SNTG1: variants seen among roughly 807,000 people sequenced by gnomAD.
SNTG1 encodes the protein syntrophin gamma 1.
A neutral mutation model predicts 74.7 loss-of-function variants in SNTG1; 39 were observed. The observed-to-expected ratio is 0.52, with a 90% CI of 0.40 to 0.68. The LOEUF is 0.68. Among genes scored for constraint, SNTG1 ranks in the 30% least tolerant of loss-of-function variants. The pLI, the probability that SNTG1 is intolerant of heterozygous loss-of-function variation, is 0.00. For synonymous variants in SNTG1, 254 were observed against 217.1 expected (o/e 1.17, Z -1.49); for missense variants, 685 against 609.5 (o/e 1.12, Z -1.30).
chr8:50,543,896 G>A (rs1475713811), intron 11 of SNTG1, among the ~76,000 whole-genome samples: 1 of 151,978 alleles, frequency 6.6e-6, no homozygotes, highest in Admixed American at 6.6e-5. Flanking sequence ...GTAGTGACAT[G>A]TCCCTGTGGC....
chr8:50,305,114 T>A (rs2089830392), intron 2 of SNTG1, among the ~76,000 whole-genome samples: 1 of 151,470 alleles, frequency 6.6e-6, no homozygotes, highest in African/African-American at 2.4e-5. Flanking sequence ...TTGGCCAGGC[T>A]GGTCTCAAAC....
chr8:50,723,269 T>C (rs375387488), intron 17 of SNTG1, among the ~76,000 whole-genome samples: 4 of 152,222 alleles, frequency 2.6e-5, no homozygotes, highest in African/African-American at 7.2e-5. Flanking sequence ...CATCATACAT[T>C]GCTATTAGTT....
chr8:49,915,446 T>C (rs1585481531), intron 1 of SNTG1, among the ~76,000 whole-genome samples: 1 of 152,186 alleles, frequency 6.6e-6, no homozygotes, highest in South Asian at 2.1e-4. Flanking sequence ...ACTTCCCTGA[T>C]ACTTCAGCAG....
At chr8:50,360,028 T>A (rs976430035) in intron 2 of SNTG1, among the ~76,000 whole-genome samples, 2 of 151,638 alleles carry the variant, frequency 1.3e-5, no homozygotes, top group Non-Finnish European at 2.9e-5. Flanking sequence ...TGTAGAAGAG[T>A]GAGGATAAAT....
chr8:50,168,560 C>T (rs2082702497), intron 1 of SNTG1, among the ~76,000 whole-genome samples: 1 of 151,876 alleles, frequency 6.6e-6, no homozygotes, highest in African/African-American at 2.4e-5. Context: ...CATGTATATG[C>T]ATGTGTATAT....
intron 2 of SNTG1, among the ~76,000 whole-genome samples, chr8:50,296,535 T>C (rs1366787461): frequency 2.6e-5 from 4 of 152,268 alleles, no homozygotes; most frequent in South Asian, 2.1e-4. Flanking sequence ...ACACCTCATG[T>C]TCTCACCCAT....
intron 1 of SNTG1, among the ~76,000 whole-genome samples, chr8:49,983,694 C>T (rs1812886151): frequency 6.6e-6 from 1 of 152,122 alleles, no homozygotes; most frequent in Non-Finnish European, 1.5e-5. Flanking sequence ...AACAGAGGCC[C>T]CCAGAGAGGG....
chr8:50,253,101 C>G (rs1296720897), intron 2 of SNTG1, among the ~76,000 whole-genome samples: 1 of 152,078 alleles, frequency 6.6e-6, no homozygotes, highest in Non-Finnish European at 1.5e-5. Context: ...CGTACAGCCA[C>G]TGTGAAAAGC....
chr8:50,275,318 T>C (rs984317487), intron 2 of SNTG1, among the ~76,000 whole-genome samples: 1 of 152,210 alleles, frequency 6.6e-6, no homozygotes, highest in Admixed American at 6.5e-5. Flanking sequence ...ACCTACAATA[T>C]GTGTAATTGT....
chr8:50,774,052 T>C (rs186425719), intron 18 of SNTG1, among the ~76,000 whole-genome samples: 3 of 152,028 alleles, frequency 2.0e-5, no homozygotes, highest in East Asian at 1.9e-4. Context: ...TCAATGTCAA[T>C]AGGGCAACTG....
At chr8:50,675,867 T>TGGC (rs2095307617) in intron 15 of SNTG1, among the ~76,000 whole-genome samples, 1 of 152,076 alleles carries the variant, frequency 6.6e-6, no homozygotes, top group Non-Finnish European at 1.5e-5. Context: ...TAACGAAATC[T>TGGC]CTCAGCATTT....
intron 2 of SNTG1, among the ~76,000 whole-genome samples, chr8:50,298,067 C>A (rs2089474794): frequency 6.6e-6 from 1 of 151,730 alleles, no homozygotes; most frequent in African/African-American, 2.4e-5. Flanking sequence ...GCCGAATCAT[C>A]TTGTCACTGG....
At chr8:49,982,734 T>A (rs1350733550) in intron 1 of SNTG1, among the ~76,000 whole-genome samples, 1 of 152,006 alleles carries the variant, frequency 6.6e-6, no homozygotes, top group Non-Finnish European at 1.5e-5. Flanking sequence ...ATAGATGGCT[T>A]AACCTAGTAT....
At chr8:50,299,504 G>T (rs2089547546) in intron 2 of SNTG1, among the ~76,000 whole-genome samples, 1 of 152,014 alleles carries the variant, frequency 6.6e-6, no homozygotes, top group African/African-American at 2.4e-5. Flanking sequence ...ACATCATAGG[G>T]TAATGGAATC....
At chr8:50,668,785 C>A (rs1201075985) in intron 15 of SNTG1, among the ~76,000 whole-genome samples, 1 of 151,868 alleles carries the variant, frequency 6.6e-6, no homozygotes, top group Non-Finnish European at 1.5e-5. Flanking sequence ...TCCAGTTCAT[C>A]CATGTCCCTG....
At chr8:50,309,554 C>G (rs2090029709) in intron 2 of SNTG1, among the ~76,000 whole-genome samples, 1 of 152,180 alleles carries the variant, frequency 6.6e-6, no homozygotes, top group Non-Finnish European at 1.5e-5. Flanking sequence ...GACATGCAAG[C>G]TGCATTCATT....
At chr8:50,022,628 T>C (rs1435810702) in intron 1 of SNTG1, among the ~76,000 whole-genome samples, 2 of 152,186 alleles carry the variant, frequency 1.3e-5, no homozygotes, top group Non-Finnish European at 2.9e-5. Flanking sequence ...TGGAATACAG[T>C]GGTAGCCTAG....
intron 17 of SNTG1, among the ~76,000 whole-genome samples, chr8:50,724,949 T>G (rs2095496478): frequency 6.6e-6 from 1 of 152,180 alleles, no homozygotes; most frequent in Admixed American, 6.6e-5. Context: ...CAGATTTTTT[T>G]AAATTTGAAG....
intron 1 of SNTG1, among the ~76,000 whole-genome samples, chr8:50,003,514 A>T (rs1814936665): frequency 1.3e-5 from 2 of 152,308 alleles, no homozygotes; most frequent in South Asian, 4.1e-4. Context: ...GATAAATTTA[A>T]ATTTAAGAAT....
Sources: gnomAD v4.1 joint callset for allele counts (sites outside exome capture counted in the v4.1 genomes callset) on GRCh38, gnomAD v4.1.1 for gene constraint, MANE v1.5 for transcripts, NCBI Gene and HGNC (gene_info 2026-07-23, HGNC 2026-07-21) for gene names.